The following ARSH variants were observed in gnomAD, a reference collection of about 807,000 sequenced individuals.
ARSH encodes arylsulfatase family member H, also known as arylsulfatase H.
In ARSH, 32 loss-of-function variants were observed where a neutral mutation model predicts 28.7. That is an observed-to-expected ratio of 1.11 (90% confidence interval 0.84 to 1.50). The LOEUF is 1.50. Among genes scored for constraint, ARSH ranks in the 40% most tolerant of loss-of-function variants. ARSH has a pLI of 0.00. For synonymous variants in ARSH, 176 were observed against 177.3 expected (o/e 0.99, Z 0.06); for missense variants, 440 against 452.4 (o/e 0.97, Z 0.25).
intron 3 of ARSH, 114 bp from the exon 4 acceptor site, chrX:3,014,856 T>G: frequency 2.7e-6 from 2 of 753,646 alleles, no homozygotes; most frequent in Non-Finnish European, 3.8e-6. Context: ...AAAACCATGA[T>G]GACAACAGAA....
chrX:3,017,439 T>C (rs1056463261), intron 4 of ARSH, among the ~76,000 whole-genome samples: 1 of 111,024 alleles, frequency 9.0e-6, no homozygotes, highest in African/African-American at 3.3e-5. Flanking sequence ...TGGTGGCGTG[T>C]ACCTGTGGTC....
chrX:3,020,020 T>C (rs777381396), intron 5 of ARSH, among the ~76,000 whole-genome samples: 2 of 109,338 alleles, frequency 1.8e-5, no homozygotes, highest in Admixed American at 2.0e-4. Flanking sequence ...GCGTGGTGGC[T>C]CATGTCTGTA....
intron 2 of ARSH, 75 bp from the exon 3 acceptor site, chrX:3,012,972 G>A: frequency 8.9e-7 from 1 of 1,122,606 alleles, no homozygotes; most frequent in Non-Finnish European, 1.2e-6. Flanking sequence ...GGGAGGAGAG[G>A]ACTTTAAGCA....
intron 4 of ARSH, among the ~76,000 whole-genome samples, chrX:3,016,042 A>C (rs1271497168): frequency 4.9e-5 from 5 of 102,973 alleles, no homozygotes; most frequent in African/African-American, 1.8e-4. Flanking sequence ...ACAGGATCTC[A>C]CTCTGCCACC....
rs368370528 is a variant in ARSH at position 3,020,449 on chromosome X, C to A, written c.901+1779C>A. Among the ~76,000 whole-genome samples, 392 of 104,185 alleles carry A rather than the reference C, an allele frequency of 3.8e-3. 8 individuals carry two copies. Among genetic ancestry groups the A allele is most frequent in the Non-Finnish European group, 6.2e-3 (309 of 50,192 alleles). 90.5% of individuals were successfully genotyped at this position (104,185 alleles called of 115,157 possible). A position where few individuals can be genotyped will look rare whatever the true frequency, so the allele number is the denominator to read the frequency against. On this transcript the variant is annotated intron_variant, in intron 5 of 8. Coordinates refer to ENST00000381130, the MANE Select transcript of ARSH (RefSeq NM_001011719.2). ...CTAAAAATAGAAAAAATGAGCCGGG[C>A]GCGGTGGCGGGCGCCTGTAGTCCCA...
At chrX:3,014,943 C>G in intron 3 of ARSH, 27 bp from the exon 4 acceptor site, 1 of 1,191,100 alleles carries the variant, frequency 8.4e-7, no homozygotes, top group Non-Finnish European at 1.1e-6. Context: ...GCCATGCTGC[C>G]ATGGTACGAT....
intron 5 of ARSH, among the ~76,000 whole-genome samples, chrX:3,020,335 A>G (rs2089878775): frequency 9.7e-6 from 1 of 103,388 alleles, no homozygotes; most frequent in Admixed American, 1.1e-4. Context: ...CACGCCTGTA[A>G]TCCCAGCACT....
chrX:3,025,147 GT>G (rs1241921962), intron 6 of ARSH, among the ~76,000 whole-genome samples: 2 of 107,667 alleles, frequency 1.9e-5, no homozygotes, highest in East Asian at 5.8e-4. Flanking sequence ...TAGTCACTAT[GT>G]ATATATAGTT....
At chrX:3,017,801 C>A (rs1420563701) in intron 4 of ARSH, among the ~76,000 whole-genome samples, 1 of 111,354 alleles carries the variant, frequency 9.0e-6, no homozygotes. Flanking sequence ...AGCATCAAAT[C>A]CTTACTGTGG....
intron 3 of ARSH, among the ~76,000 whole-genome samples, chrX:3,013,967 G>A (rs2089858728): frequency 9.0e-6 from 1 of 111,557 alleles, no homozygotes; most frequent in Non-Finnish European, 1.9e-5. Context: ...ATGTGACTCA[G>A]GCTTCTGAAT....
intron 4 of ARSH, among the ~76,000 whole-genome samples, chrX:3,015,639 A>C (rs2089864078): frequency 9.0e-6 from 1 of 110,921 alleles, no homozygotes; most frequent in Admixed American, 9.8e-5. Context: ...AATGGGAGCT[A>C]AACATTGAGC....
chrX:3,012,578 T>A (rs1242392980), intron 2 of ARSH, among the ~76,000 whole-genome samples: 3 of 17,510 alleles, frequency 1.7e-4, no homozygotes, highest in African/African-American at 8.5e-4. Context: ...AATATATATA[T>A]ATATATATAT....
intron 1 of ARSH, 52 bp from the exon 2 acceptor site, chrX:3,009,978 T>G: frequency 1.1e-5 from 13 of 1,186,930 alleles, no homozygotes; most frequent in Non-Finnish European, 1.5e-5. Flanking sequence ...CCTTGATCAT[T>G]GTATTGAGAA....
At chrX:3,020,483 G>C (rs762329348) in intron 5 of ARSH, among the ~76,000 whole-genome samples, 1 of 103,882 alleles carries the variant, frequency 9.6e-6, no homozygotes, top group African/African-American at 3.5e-5. Flanking sequence ...CAGCTACTCC[G>C]GAGGCTGAGG....
chrX:3,009,716 G>A (rs1215590130), intron 1 of ARSH, among the ~76,000 whole-genome samples: 1 of 110,727 alleles, frequency 9.0e-6, no homozygotes, highest in Non-Finnish European at 1.9e-5. Flanking sequence ...TTAATTTTAG[G>A]TCCTTGATAA....
chrX:3,031,218 G>T (rs765591943), intron 8 of ARSH, among the ~76,000 whole-genome samples: 1 of 111,512 alleles, frequency 9.0e-6, no homozygotes, highest in African/African-American at 3.3e-5. Flanking sequence ...GCATTAGCTT[G>T]TGTGAATGTA....
At chrX:3,023,957 T>C (rs1016179179) in intron 5 of ARSH, 64 bp from the exon 6 acceptor site, 26 of 1,162,013 alleles carry the variant, frequency 2.2e-5, no homozygotes, top group Non-Finnish European at 2.7e-5. Flanking sequence ...GTAGCAGATA[T>C]GTAATAAAGC....
At chrX:3,006,820 G>A in intron 1 of ARSH, 116 bp downstream of exon 1, 3 of 587,808 alleles carry the variant, frequency 5.1e-6, no homozygotes, top group South Asian at 4.0e-5. Flanking sequence ...TGATGTTATC[G>A]GCAGGAATAG....
chrX:3,012,757 G>T (rs1375780440), intron 2 of ARSH, among the ~76,000 whole-genome samples: 1 of 104,864 alleles, frequency 9.5e-6, no homozygotes, highest in Admixed American at 1.1e-4. Context: ...AACATTGAAG[G>T]TTAGCAGCCT....
Sources: gnomAD v4.1 joint callset for allele counts (sites outside exome capture counted in the v4.1 genomes callset) on GRCh38, gnomAD v4.1.1 for gene constraint, MANE v1.5 for transcripts, NCBI Gene and HGNC (gene_info 2026-07-23, HGNC 2026-07-21) for gene names.